PCDHGA10: variants seen among roughly 807,000 people sequenced by gnomAD.
The protein encoded by PCDHGA10 is protocadherin gamma subfamily A, 10.
PCDHGA10 carries 42 observed loss-of-function variants against 59.5 expected under a neutral mutation model. That is an observed-to-expected ratio of 0.71 (90% CI 0.55 to 0.91). The LOEUF (loss-of-function observed/expected upper bound fraction) is 0.91, where lower values mean the gene tolerates loss of function less well. PCDHGA10 is among the 40% of genes least tolerant of loss of function. The pLI is 0.00. For synonymous variants in PCDHGA10, 511 were observed against 517.2 expected (o/e 0.99, Z 0.16); for missense variants, 1,111 against 1,198.2 (o/e 0.93, Z 1.07).
At position 141,489,298 on chromosome 5, in the gene PCDHGA10, T is replaced by C; in HGVS notation, c.2437-5509T>C. On this transcript the variant is annotated intron_variant, in intron 1 of 3. Transcript: ENST00000398610. This position sits in a 1 kb window ranked among gnomAD's most constrained non-coding sequence, Gnocchi z 4.5. ...GAAATGGCAAGTGCTGTGCATGTTG[T>C]CCTTGTGCTGCTGGGGCTGGGTGTC... The C allele has an allele frequency of 6.3e-7, 1 of 1,584,418 alleles. No individual in the cohort carries two copies. The highest frequency in any genetic ancestry group is 8.6e-7 in the Non-Finnish European group (1 of 1,165,192).
In PCDHGA10 at chr5:141,490,363, C is replaced by G; in HGVS notation, c.2437-4444C>G. 3 of 1,614,154 alleles carry G rather than the reference C, an allele frequency of 1.9e-6. No homozygotes were observed. Among genetic ancestry groups the G allele is most frequent in the Non-Finnish European group, 2.5e-6 (3 of 1,180,032 alleles). On this transcript the variant is annotated intron_variant, in intron 1 of 3. Transcript: ENST00000398610. This position sits in a 1 kb window ranked among gnomAD's most constrained non-coding sequence, Gnocchi z 5.4. ...CACAGTAGTGGGGTTGTTTAATGTGCGAGACCGGGACTCAGGTAGAAATGG... is the reference window on the plus strand; with the variant it reads ...CACAGTAGTGGGGTTGTTTAATGTGGGAGACCGGGACTCAGGTAGAAATGG...
At chr5:141,475,996 G>T (rs2099383729) in intron 1 of PCDHGA10, 4 of 1,181,402 alleles carry the variant, frequency 3.4e-6, no homozygotes, top group Non-Finnish European at 3.5e-6. Flanking sequence ...GCAAATCAAC[G>T]GCATCCAGAA....
At chr5:141,510,139 G>T (rs931012964) in intron 3 of PCDHGA10, among the ~76,000 whole-genome samples, 1 of 152,136 alleles carries the variant, frequency 6.6e-6, no homozygotes, top group Non-Finnish European at 1.5e-5. Context: ...CTGGGCTAGT[G>T]GTGTGCACCT....
chr5:141,478,392 A>T, intron 1 of PCDHGA10: 1 of 1,613,560 alleles, frequency 6.2e-7, no homozygotes, highest in East Asian at 2.2e-5. Flanking sequence ...CTTTACCATC[A>T]GGTGTATCTC....
intron 1 of PCDHGA10, among the ~76,000 whole-genome samples, chr5:141,469,315 G>A (rs1160946697): frequency 6.6e-6 from 1 of 151,866 alleles, no homozygotes; most frequent in African/African-American, 2.4e-5. Flanking sequence ...GATGGCTCAC[G>A]CCTGTAATCC....
intron 2 of PCDHGA10, 91 bp from the exon 3 acceptor site, chr5:141,505,302 G>C: frequency 6.3e-7 from 1 of 1,592,714 alleles, no homozygotes. Context: ...TAGGGTTAGG[G>C]TACTAGGTTT....
intron 3 of PCDHGA10, among the ~76,000 whole-genome samples, chr5:141,508,772 C>T (rs1015277795): frequency 5.3e-5 from 8 of 152,070 alleles, no homozygotes; most frequent in African/African-American, 1.2e-4. Flanking sequence ...TGAGGTCCCC[C>T]CTCTAGCCCC....
intron 3 of PCDHGA10, among the ~76,000 whole-genome samples, chr5:141,510,230 G>A (rs1285202719): frequency 2.7e-5 from 4 of 149,638 alleles, no homozygotes; most frequent in Non-Finnish European, 5.9e-5. Context: ...CCGGGATCGC[G>A]CCACTGCACT....
intron 1 of PCDHGA10, among the ~76,000 whole-genome samples, chr5:141,464,748 T>A (rs995568259): frequency 2.0e-5 from 3 of 152,190 alleles, no homozygotes; most frequent in Admixed American, 2.0e-4. Flanking sequence ...TATCTTTTTG[T>A]TTTTTTAGAG....
At position 141,511,423 on chromosome 5, in the gene PCDHGA10, A is replaced by G. The variant is rs1301463531; in HGVS notation, c.*250A>G. On this transcript the variant is annotated 3_prime_UTR_variant, in exon 4 of 4. Transcript: ENST00000398610. ...AATCAACTGCTGTACCCATGGGGGTAGTGGGGTTACTGTAGACACCAAGAA... is the reference window on the plus strand; with the variant it reads ...AATCAACTGCTGTACCCATGGGGGTGGTGGGGTTACTGTAGACACCAAGAA... 15 of 818,384 alleles carry G rather than the reference A, an allele frequency of 1.8e-5. No homozygotes were observed. Among genetic ancestry groups the G allele is most frequent in the East Asian group, 3.0e-5 (1 of 33,874 alleles). 50.7% of individuals were successfully genotyped at this position (818,384 alleles called of 1,614,324 possible). A position where few individuals can be genotyped will look rare whatever the true frequency, so the allele number is the denominator to read the frequency against.
At position 141,477,748 on chromosome 5, in the gene PCDHGA10, C is replaced by T; in HGVS notation, c.2437-17059C>T. ...CAGCTCATATCAGCGATGGGGGCAC[C>T]CCGGTCCTAGCCACCAACATCAGCG... On this transcript the variant is annotated intron_variant, in intron 1 of 3. Transcript: ENST00000398610. The surrounding 1 kb of genome is among the most constrained non-coding windows in gnomAD (Gnocchi z 4.9). 6.2e-7 allele frequency: 1 copy of T among 1,613,872 alleles called. No homozygotes were observed. The highest frequency in any genetic ancestry group is 1.1e-5 in the South Asian group (1 of 91,080).
chr5:141,431,536 G>T lies in PCDHGA10; in HGVS notation c.2436+15925G>T. Reference sequence around the variant, plus strand: ...TTCCGGAGAATCTGGCCTTGGGCACGCAGCTGCTTGTAGTCAACGCTACCG... The same window carrying T: ...TTCCGGAGAATCTGGCCTTGGGCACTCAGCTGCTTGTAGTCAACGCTACCG... On this transcript the variant is annotated intron_variant, in intron 1 of 3. Coordinates refer to ENST00000398610, the MANE Select transcript of PCDHGA10 (RefSeq NM_018913.3). The surrounding 1 kb of genome is among the most constrained non-coding windows in gnomAD (Gnocchi z 4.8). 6.2e-7 allele frequency: 1 copy of T among 1,614,068 alleles called. No homozygotes were observed. Among genetic ancestry groups the T allele is most frequent in the Non-Finnish European group, 8.5e-7 (1 of 1,180,022 alleles).
Position 141,489,458 on chromosome 5 carries a change from G to T in PCDHGA10, c.2437-5349G>T, listed in dbSNP as rs143138320. 1 of 1,613,924 alleles carries T rather than the reference G, an allele frequency of 6.2e-7. No homozygotes were observed. Among genetic ancestry groups the T allele is most frequent in the Non-Finnish European group, 8.5e-7 (1 of 1,180,000 alleles). On this transcript the variant is annotated intron_variant, in intron 1 of 3. Coordinates refer to ENST00000398610, the MANE Select transcript of PCDHGA10 (RefSeq NM_018913.3). The surrounding 1 kb of genome is among the most constrained non-coding windows in gnomAD (Gnocchi z 4.5). ...CAATTGGGCTCTGAGGAGAATGGGC[G>T]CTATTTTTCCCTGAGCTTGATGAGT...
intron 1 of PCDHGA10, chr5:141,423,357 C>T: frequency 6.2e-7 from 1 of 1,614,214 alleles, no homozygotes; most frequent in Non-Finnish European, 8.5e-7. Context: ...TCTTTGTCAT[C>T]GTGCTGCTGG....
chr5:141,453,423 C>T (rs931962019), intron 1 of PCDHGA10, among the ~76,000 whole-genome samples: 2 of 152,120 alleles, frequency 1.3e-5, no homozygotes, highest in African/African-American at 4.8e-5. Context: ...TAAGCCACCA[C>T]ACCTAGCCTA....
chr5:141,474,022 A>G (rs929139769), intron 1 of PCDHGA10, among the ~76,000 whole-genome samples: 1 of 152,160 alleles, frequency 6.6e-6, no homozygotes, highest in African/African-American at 2.4e-5. Flanking sequence ...GTGAGCTATG[A>G]TTATTCCACT....
intron 1 of PCDHGA10, chr5:141,421,025 A>G: frequency 5.7e-6 from 3 of 526,286 alleles, no homozygotes; most frequent in East Asian, 3.2e-5. Context: ...GCTGCGCGCC[A>G]TTGAGTCCCT....
At chr5:141,507,704 G>A (rs989196400) in intron 3 of PCDHGA10, among the ~76,000 whole-genome samples, 5 of 152,210 alleles carry the variant, frequency 3.3e-5, no homozygotes, top group African/African-American at 9.6e-5. Context: ...AGTATTTATG[G>A]CCCCAAACCC....
rs983998465 is a variant in PCDHGA10 at position 141,494,817 on chromosome 5, C to T, written c.2447C>T (p.Pro816Leu). ...EDTPLVPQAP[P>L]NTDWRFSQAQ... ...CTGTTTTCTCCACAGCAAGCCCCGC[C>T]CAACACGGACTGGCGTTTCTCTCAG... The change falls in exon 2 of 4, where the codon CCC becomes CTC. Residue 816 changes from proline to leucine, a missense_variant. Transcript: ENST00000398610. 1.2e-6 allele frequency: 2 copies of T among 1,614,016 alleles called. No individual in the cohort carries two copies. Among genetic ancestry groups the T allele is most frequent in the Non-Finnish European group, 1.7e-6 (2 of 1,180,026 alleles).
Sources: allele counts gnomAD v4.1 joint callset (sites outside exome capture counted in the v4.1 genomes callset), GRCh38; gene constraint gnomAD v4.1.1; non-coding constraint Gnocchi (gnomAD v3.1); transcripts MANE v1.5; gene names NCBI Gene and HGNC (gene_info 2026-07-23, HGNC 2026-07-21).